Variants in PFKP observed in about 807,000 individuals in gnomAD.
PFKP encodes the protein phosphofructokinase, platelet, also known as ATP-dependent 6-phosphofructokinase, platelet type.
PFKP carries 101 observed loss-of-function variants against 94.3 expected under a neutral mutation model. That is an observed-to-expected ratio of 1.07 (90% CI 0.91 to 1.26). PFKP has a LOEUF of 1.26. Among genes scored for constraint, PFKP ranks in the 50% most tolerant of loss-of-function variants. The probability of loss-of-function intolerance (pLI) is 0.00; values close to 1 mark genes in which losing one functional copy is unlikely to be tolerated. For synonymous variants in PFKP, 573 were observed against 432.6 expected (o/e 1.32, Z -4.03); for missense variants, 1,145 against 1,103.3 (o/e 1.04, Z -0.53).
intron 19 of PFKP, 103 bp from the exon 20 acceptor site, chr10:3,134,380 A>G (rs191872724): frequency 9.8e-5 from 73 of 744,298 alleles, no homozygotes; most frequent in Non-Finnish European, 1.5e-4. Flanking sequence ...ATAAGGACCT[A>G]GAAATAAAAA....
intron 14 of PFKP, 130 bp from the exon 15 acceptor site, chr10:3,118,652 G>A: frequency 1.6e-6 from 1 of 617,636 alleles, no homozygotes; most frequent in African/African-American, 1.8e-5. Flanking sequence ...GAGTGAAAAG[G>A]CAGACGTTTA....
chr10:3,102,723 T>C (rs1835139093), intron 4 of PFKP, among the ~76,000 whole-genome samples: 1 of 152,236 alleles, frequency 6.6e-6, no homozygotes. Flanking sequence ...GAAGCGGTTA[T>C]GTAATTTCAG....
At position 3,096,996 on chromosome 10, in the gene PFKP, G is replaced by T. The variant is rs566372607; in HGVS notation, c.187-2279G>T. Among the ~76,000 whole-genome samples, 532 of 109,656 alleles carry T rather than the reference G, an allele frequency of 4.9e-3. 50 individuals are homozygous for T. Among genetic ancestry groups the T allele is most frequent in the African/African-American group, 0.018 (503 of 27,744 alleles). 71.9% of individuals were successfully genotyped at this position (109,656 alleles called of 152,430 possible). ...AGGAGGCTGAGGTGGGAGAATGGCAGGAACCCGGGAGGCGGAGCTTGCAAT... is the reference window on the plus strand; with the variant it reads ...AGGAGGCTGAGGTGGGAGAATGGCATGAACCCGGGAGGCGGAGCTTGCAAT... On this transcript the variant is annotated intron_variant, in intron 2 of 21. Transcript: ENST00000381125.
At chr10:3,070,926 T>TTA (rs767737023) in intron 1 of PFKP, among the ~76,000 whole-genome samples, 57 of 148,378 alleles carry the variant, frequency 3.8e-4, no homozygotes, top group African/African-American at 8.1e-4. Flanking sequence ...TATTATTATT[T>TTA]TTGTAGAGAC....
At chr10:3,100,006 CTG>C (rs1588459405) in intron 3 of PFKP, among the ~76,000 whole-genome samples, 1 of 149,110 alleles carries the variant, frequency 6.7e-6, no homozygotes, top group African/African-American at 2.5e-5. Context: ...GAATGTGTAT[CTG>C]TGTGTGGGGT....
In PFKP at chr10:3,135,735, G is replaced by A. The variant is rs1051838115; in HGVS notation, c.2123-1G>A. 4.4e-6 allele frequency: 7 copies of A among 1,595,116 alleles called. No individual in the cohort carries two copies. Among genetic ancestry groups the A allele is most frequent in the Non-Finnish European group, 6.0e-6 (7 of 1,164,726 alleles). On this transcript the variant is annotated splice_acceptor_variant, in intron 20 of 21. Coordinates refer to ENST00000381125, the MANE Select transcript of PFKP (RefSeq NM_002627.5). LOFTEE classifies it high-confidence loss of function. ...TTAATCTTTTTTAAAATCTTTTATA[G>A]GAAAAAAATTTACCACCGATGATTC...
chr10:3,094,646 C>A (rs1481289042), intron 2 of PFKP, among the ~76,000 whole-genome samples: 3 of 152,170 alleles, frequency 2.0e-5, no homozygotes, highest in Admixed American at 6.5e-5. Context: ...GCCACGATTC[C>A]TGGCCTTTGA....
chr10:3,089,692 ATG>A (rs535736105), intron 2 of PFKP, among the ~76,000 whole-genome samples: 169 of 149,758 alleles, frequency 1.1e-3, no homozygotes, highest in African/African-American at 3.8e-3. Flanking sequence ...TGAATTATAT[ATG>A]TATTATACAT....
chr10:3,071,999 G>A (rs868740193), intron 1 of PFKP, among the ~76,000 whole-genome samples: 2 of 152,200 alleles, frequency 1.3e-5, no homozygotes, highest in South Asian at 2.1e-4. Flanking sequence ...TCAGGGCTGC[G>A]CGTACCTGCG....
intron 2 of PFKP, among the ~76,000 whole-genome samples, chr10:3,097,286 CAG>C (rs1834570216): frequency 6.6e-6 from 1 of 151,870 alleles, no homozygotes; most frequent in South Asian, 2.1e-4. Context: ...CTTGTGTGGA[CAG>C]AGCATCCGCA....
intron 2 of PFKP, among the ~76,000 whole-genome samples, chr10:3,089,287 G>A (rs910636294): frequency 2.0e-5 from 3 of 152,332 alleles, no homozygotes; most frequent in African/African-American, 7.2e-5. Context: ...TGCCACAAAT[G>A]ATGGGGTTTT....
intron 1 of PFKP, chr10:3,069,211 C>T (rs1371422216): frequency 7.6e-6 from 10 of 1,311,102 alleles, no homozygotes; most frequent in Non-Finnish European, 8.8e-6. Context: ...GCAGCGCCCC[C>T]GGGAAGTGCT....
intron 16 of PFKP, among the ~76,000 whole-genome samples, chr10:3,120,761 G>C (rs898542403): frequency 6.6e-6 from 1 of 152,010 alleles, no homozygotes; most frequent in African/African-American, 2.4e-5. Flanking sequence ...CCGGGCTCAG[G>C]TGATCCTCTC....
rs200894832 is a variant in PFKP at position 3,105,196 on chromosome 10, G to A, written c.665+37G>A. 80 of 1,593,502 alleles carry A rather than the reference G, an allele frequency of 5.0e-5. 1 individual carries two copies. In the East Asian group the frequency reaches 1.5e-3, roughly 30 times the overall value. ...CGGTGGGTCCGGTGGACGCGGTTCA[G>A]GTGGGGGACCCTCAGCATCATCTCC... On this transcript the variant is annotated intron_variant, in intron 6 of 21. Transcript: ENST00000381125.
intron 16 of PFKP, chr10:3,129,539 T>TG (rs2131704516): frequency 2.3e-6 from 1 of 430,982 alleles, no homozygotes; most frequent in South Asian, 3.0e-5. Flanking sequence ...TCCCCTTCTA[T>TG]GGGGCCTGGG....
intron 3 of PFKP, chr10:3,101,037 T>A: frequency 6.6e-7 from 1 of 1,523,708 alleles, no homozygotes; most frequent in Non-Finnish European, 9.1e-7. Flanking sequence ...GTGCACCTGG[T>A]TGAGCTCGTT....
intron 1 of PFKP, among the ~76,000 whole-genome samples, chr10:3,081,866 A>AGG (rs149676777): frequency 1.3e-5 from 2 of 151,956 alleles, no homozygotes; most frequent in South Asian, 2.1e-4. Flanking sequence ...GTTCTTCTCA[A>AGG]GGGGGGCCTC....
chr10:3,135,664 G>A lies in PFKP; in HGVS notation c.2123-72G>A, dbSNP rs572800775. On this transcript the variant is annotated intron_variant, in intron 20 of 21. Transcript: ENST00000381125. ...TCTGAGGAATCTCAGTTCTCATCTC[G>A]CCCCGTGATTCTGCTCCCCCACCTG... 60 of 901,808 alleles carry A rather than the reference G, an allele frequency of 6.7e-5. 1 individual carries two copies. The East Asian group carries it at 7.8e-4, about 12-fold the overall frequency. 55.9% of individuals were successfully genotyped at this position (901,808 alleles called of 1,614,324 possible).
intron 9 of PFKP, 72 bp from the exon 10 acceptor site, chr10:3,109,282 TG>T: frequency 6.3e-7 from 1 of 1,590,234 alleles, no homozygotes; most frequent in Non-Finnish European, 8.5e-7. Flanking sequence ...TTGGACGTCA[TG>T]GAAAGATAGG....
Sources: allele counts gnomAD v4.1 joint callset (sites outside exome capture counted in the v4.1 genomes callset), GRCh38; gene constraint gnomAD v4.1.1; transcripts MANE v1.5; gene names NCBI Gene and HGNC (gene_info 2026-07-23, HGNC 2026-07-21).